Variants in ATXN2 observed in about 807,000 individuals in gnomAD.
The protein encoded by ATXN2 is ataxin 2.
Under a neutral mutation model 138.6 loss-of-function variants are expected in ATXN2, and 37 were observed. The ratio of observed to expected loss-of-function variants is 0.27; its 90% CI spans 0.21 to 0.35. The LOEUF (loss-of-function observed/expected upper bound fraction) is 0.35. ATXN2 is among the 10% of genes least tolerant of loss of function. The probability of loss-of-function intolerance (pLI) is 1.00; values close to 1 mark genes in which losing one functional copy is unlikely to be tolerated. For synonymous variants in ATXN2, 549 were observed against 543.7 expected (o/e 1.01, Z -0.13); for missense variants, 1,216 against 1,480.3 (o/e 0.82, Z 2.93).
At chr12:111,517,281 T>G (rs1478234797) in intron 9 of ATXN2, among the ~76,000 whole-genome samples, 2 of 152,156 alleles carry the variant, frequency 1.3e-5, no homozygotes, top group African/African-American at 2.4e-5. Context: ...TTTTTAACTT[T>G]AAAATTCTGT....
intron 18 of ATXN2, among the ~76,000 whole-genome samples, chr12:111,483,751 C>T (rs1362558928): frequency 6.6e-6 from 1 of 152,036 alleles, no homozygotes; most frequent in Admixed American, 6.6e-5. Context: ...CTACATTATA[C>T]GACAACTCCC....
intron 1 of ATXN2, among the ~76,000 whole-genome samples, chr12:111,582,075 CT>C (rs1884036387): frequency 1.3e-5 from 2 of 152,040 alleles, no homozygotes; most frequent in Admixed American, 1.3e-4. Context: ...GCCTCATGGC[CT>C]TAATTTCAAT....
At chr12:111,557,017 AGAT>A (rs1882429266) in intron 1 of ATXN2, among the ~76,000 whole-genome samples, 1 of 152,212 alleles carries the variant, frequency 6.6e-6, no homozygotes, top group African/African-American at 2.4e-5. Flanking sequence ...TGTCAAGTAA[AGAT>A]GAATTCTATT....
intron 16 of ATXN2, among the ~76,000 whole-genome samples, chr12:111,486,137 A>G (rs1363799308): frequency 6.6e-6 from 1 of 152,216 alleles, no homozygotes; most frequent in Non-Finnish European, 1.5e-5. Flanking sequence ...TTAAAAATAA[A>G]TATATCTTCT....
intron 5 of ATXN2, among the ~76,000 whole-genome samples, chr12:111,536,418 G>C (rs888729696): frequency 2.6e-5 from 4 of 152,062 alleles, no homozygotes; most frequent in African/African-American, 7.2e-5. Flanking sequence ...TCTCCCACTA[G>C]GATGGGTATA....
chr12:111,548,023 T>A (rs891815023), intron 5 of ATXN2, among the ~76,000 whole-genome samples: 8 of 151,500 alleles, frequency 5.3e-5, no homozygotes, highest in Non-Finnish European at 7.4e-5. Context: ...TAAAACCCCA[T>A]CTCTACTAAA....
At chr12:111,561,394 G>A (rs1457614268) in intron 1 of ATXN2, among the ~76,000 whole-genome samples, 3 of 152,006 alleles carry the variant, frequency 2.0e-5, no homozygotes, top group Non-Finnish European at 4.4e-5. Context: ...TTCAGGAGGA[G>A]GTGGCTGAGG....
chr12:111,549,924 T>A (rs1287780266), intron 5 of ATXN2, among the ~76,000 whole-genome samples: 1 of 151,872 alleles, frequency 6.6e-6, no homozygotes, highest in Non-Finnish European at 1.5e-5. Flanking sequence ...TAGCCGGGCA[T>A]GGTGGCACAT....
Position 111,470,673 on chromosome 12 carries a change from G to A in ATXN2, c.2594C>T (p.Ala865Val), listed in dbSNP as rs201755263. ...QSAMMHPASA[A>V]GPPIAATPPA... Reference sequence around the variant, plus strand: ...TGGGGTGGCTGCAATCGGTGGGCCCGCTGCTGACGCTGGGTGCATCATGGC... The same window carrying A: ...TGGGGTGGCTGCAATCGGTGGGCCCACTGCTGACGCTGGGTGCATCATGGC... The change falls in exon 19 of 25, where the codon GCG (alanine) becomes GTG (valine). Residue 865 changes from alanine to valine, a missense_variant. Ala to Val is a moderately conservative substitution (Grantham distance 64). Transcript: ENST00000673436. 3.0e-5 allele frequency: 48 copies of A among 1,614,086 alleles called. No individual in the cohort carries two copies. The Admixed American group carries it at 6.2e-4, about 21-fold the overall frequency.
intron 5 of ATXN2, among the ~76,000 whole-genome samples, chr12:111,527,882 T>C (rs1484172290): frequency 1.3e-5 from 2 of 152,242 alleles, no homozygotes; most frequent in Admixed American, 6.5e-5. Context: ...CTTAAAGTTA[T>C]GTGGATTGCT....
rs983080869 is a variant in ATXN2, at chr12:111,465,639, G to A, written c.2843-924C>T. Reference sequence around the variant, plus strand: ...ACAAAAATTGGCCGGTCGTGGTGGCGCACACCTGTAGTCCCACCTACTCGG... The same window carrying A: ...ACAAAAATTGGCCGGTCGTGGTGGCACACACCTGTAGTCCCACCTACTCGG... On this transcript the variant is annotated intron_variant, in intron 20 of 24. Coordinates refer to ENST00000673436, the MANE Select transcript of ATXN2 (RefSeq NM_001372574.1). 5.9e-5 allele frequency among the ~76,000 whole-genome samples: 9 copies of A among 151,620 alleles called. No homozygotes were observed. The South Asian group carries it at 8.4e-4, about 14-fold the overall frequency.
intron 10 of ATXN2, among the ~76,000 whole-genome samples, chr12:111,515,021 G>A (rs1242476199): frequency 6.6e-6 from 1 of 151,890 alleles, no homozygotes; most frequent in East Asian, 1.9e-4. Context: ...CTCAAATGAT[G>A]GACTACAAGA....
intron 1 of ATXN2, among the ~76,000 whole-genome samples, chr12:111,584,868 C>G (rs896551367): frequency 1.3e-5 from 2 of 152,084 alleles, no homozygotes; most frequent in Non-Finnish European, 2.9e-5. Flanking sequence ...ACTCAGGAGG[C>G]TGAGGTAGGA....
intron 5 of ATXN2, among the ~76,000 whole-genome samples, chr12:111,550,442 T>A (rs1314453224): frequency 2.6e-5 from 4 of 152,186 alleles, no homozygotes; most frequent in Non-Finnish European, 4.4e-5. Flanking sequence ...TGACCTGGTA[T>A]CCAATAGAGT....
chr12:111,522,992 AT>A (rs201087811), intron 6 of ATXN2, among the ~76,000 whole-genome samples: 9 of 150,322 alleles, frequency 6.0e-5, no homozygotes, highest in African/African-American at 2.2e-4. Flanking sequence ...AAAAAAAAAA[AT>A]TTCATGGCCA....
chr12:111,497,250 A>G (rs2135713301), intron 14 of ATXN2, among the ~76,000 whole-genome samples: 1 of 152,360 alleles, frequency 6.6e-6, no homozygotes, highest in East Asian at 1.9e-4. Context: ...CTCCCAGCAA[A>G]GAAAAGCCAT....
intron 1 of ATXN2, among the ~76,000 whole-genome samples, chr12:111,574,642 T>G (rs1020751979): frequency 6.6e-6 from 1 of 152,032 alleles, no homozygotes; most frequent in Non-Finnish European, 1.5e-5. Flanking sequence ...AGGCTGATCT[T>G]GAATTCCTGA....
At chr12:111,591,950 CAG>C (rs1884686108) in intron 1 of ATXN2, among the ~76,000 whole-genome samples, 1 of 151,644 alleles carries the variant, frequency 6.6e-6, no homozygotes, top group Non-Finnish European at 1.5e-5. Context: ...AGTGGGGTAG[CAG>C]GCACCTGTAA....
chr12:111,553,068 G>T, intron 3 of ATXN2, 91 bp from the exon 4 acceptor site: 1 of 765,024 alleles, frequency 1.3e-6, no homozygotes, highest in Non-Finnish European at 2.0e-6. Flanking sequence ...TACCTCATCA[G>T]GCTTCATTCA....
Sources: gnomAD v4.1 joint callset for allele counts (sites outside exome capture counted in the v4.1 genomes callset) on GRCh38, gnomAD v4.1.1 for gene constraint, MANE v1.5 for transcripts, NCBI Gene and HGNC (gene_info 2026-07-23, HGNC 2026-07-21) for gene names.